Variants in ANO4 observed in about 807,000 individuals in gnomAD.
ANO4 encodes the protein anoctamin-4.
A neutral mutation model predicts 141.9 loss-of-function variants in ANO4; 69 were observed. The observed-to-expected ratio is 0.49, with a 90% CI of 0.40 to 0.59. The LOEUF (loss-of-function observed/expected upper bound fraction) is 0.59. Ranked by LOEUF, ANO4 falls within the 20% of genes least tolerant of loss-of-function variation. ANO4 has a pLI of 0.00. For synonymous variants in ANO4, 350 were observed against 394.3 expected, an observed-to-expected ratio of 0.89 and a Z score of 1.33; for missense variants, 894 against 1,162.2, an observed-to-expected ratio of 0.77 and a Z score of 3.36.
intron 16 of ANO4, among the ~76,000 whole-genome samples, 188 bp from the exon 17 acceptor site, chr12:101,086,472 T>TA (rs529536950): frequency 9.9e-5 from 15 of 151,948 alleles, no homozygotes; most frequent in East Asian, 3.9e-4. Context: ...TTATTTTAAT[T>TA]AAAAAAAATA....
At chr12:100,905,814 G>A (rs1382076189) in intron 2 of ANO4, among the ~76,000 whole-genome samples, 1 of 152,176 alleles carries the variant, frequency 6.6e-6, no homozygotes, top group African/African-American at 2.4e-5. Flanking sequence ...ATCAGTGAGA[G>A]GATGAGAGCT....
At chr12:101,080,883 T>TATATATA (rs1491584060) in intron 15 of ANO4, among the ~76,000 whole-genome samples, 12 of 74,100 alleles carry the variant, frequency 1.6e-4, no homozygotes, top group Middle Eastern at 8.2e-3. Flanking sequence ...TATATATATA[T>TATATATA]TATATATATA....
At chr12:100,732,384 G>A (rs2031414659) in intron 1 of ANO4, among the ~76,000 whole-genome samples, 1 of 140,586 alleles carries the variant, frequency 7.1e-6, no homozygotes, top group Admixed American at 7.2e-5. Context: ...TGATGTGTCT[G>A]TAAAAGTGAT....
chr12:101,125,442 A>C (rs780531344), intron 26 of ANO4, among the ~76,000 whole-genome samples: 6 of 152,112 alleles, frequency 3.9e-5, no homozygotes, highest in Non-Finnish European at 7.4e-5. Flanking sequence ...CTCTCTTCCT[A>C]TTTGAATACC....
Position 100,922,296 on chromosome 12 carries a change from G to A in ANO4, c.126G>A (p.Val42=), listed in dbSNP as rs61734230. The A allele has an allele frequency of 6.5e-7, 1 of 1,531,960 alleles. No individual in the cohort carries two copies. The highest frequency in any genetic ancestry group is 2.0e-5 in the Admixed American group (1 of 49,708). 94.9% of individuals were successfully genotyped at this position (1,531,960 alleles called of 1,614,324 possible). A position where few individuals can be genotyped will look rare whatever the true frequency, so the allele number is the denominator to read the frequency against. Residue 42 remains valine (V), a synonymous_variant, in exon 3 of 28, where the codon GTG becomes GTA. Coordinates refer to ENST00000392977, the MANE Select transcript of ANO4 (RefSeq NM_001286615.2). ...QILPDGPKSD[V]DFSEILNAIQ... ...TACCTGACGGGCCAAAGAGTGATGT[G>A]GACTTTTCAGAGATTCTTAATGCAA...
intron 14 of ANO4, chr12:101,068,321 G>C (rs1593180940): frequency 1.6e-6 from 2 of 1,260,414 alleles, no homozygotes; most frequent in African/African-American, 2.9e-5. Context: ...TGACTTCAAT[G>C]GTCCTTGAGA....
At chr12:100,993,063 C>T (rs750354635) in intron 8 of ANO4, among the ~76,000 whole-genome samples, 4 of 152,104 alleles carry the variant, frequency 2.6e-5, no homozygotes, top group Non-Finnish European at 5.9e-5. Flanking sequence ...GTGGTGCATG[C>T]CTGTAGTCCC....
At chr12:101,020,903 TA>T (rs1271444774) in intron 9 of ANO4, among the ~76,000 whole-genome samples, 1 of 152,172 alleles carries the variant, frequency 6.6e-6, no homozygotes, top group Admixed American at 6.5e-5. Context: ...AATAATGACC[TA>T]TATCAGTCAG....
At chr12:101,033,482 A>T (rs555586925) in intron 9 of ANO4, among the ~76,000 whole-genome samples, 103 of 152,120 alleles carry the variant, frequency 6.8e-4, no homozygotes, top group Admixed American at 9.8e-4. Context: ...ATAATAATAA[A>T]AATTAACTCA....
intron 3 of ANO4, among the ~76,000 whole-genome samples, chr12:100,780,648 G>T (rs2033684287): frequency 6.6e-6 from 1 of 152,106 alleles, no homozygotes; most frequent in Non-Finnish European, 1.5e-5. Flanking sequence ...TTGCCATCCT[G>T]GTTTTGGCCC....
Position 100,926,498 on chromosome 12 carries a change from G to A in ANO4, c.160+4168G>A, listed in dbSNP as rs185890376. Among the ~76,000 whole-genome samples, 533 of 152,216 alleles carry A rather than the reference G, an allele frequency of 3.5e-3. 5 individuals are homozygous for A. The highest frequency in any genetic ancestry group is 0.012 in the African/African-American group (514 of 41,536). ...GTACAAAGTCTAATTCAGGAAAAAT[G>A]AAAACGTTTTCAGATCACGTCTTGT... On this transcript the variant is annotated intron_variant, in intron 3 of 27. Coordinates refer to ENST00000392977, the MANE Select transcript of ANO4 (RefSeq NM_001286615.2).
intron 5 of ANO4, among the ~76,000 whole-genome samples, chr12:100,961,742 G>A (rs2043434743): frequency 6.6e-6 from 1 of 152,128 alleles, no homozygotes; most frequent in Admixed American, 6.6e-5. Context: ...AAAATCTGGT[G>A]TGTACTTTCC....
At position 100,819,400 on chromosome 12, in the gene ANO4, C is replaced by G. The variant is rs76920038; in HGVS notation, c.-141+24373C>G. Among the ~76,000 whole-genome samples the G allele has an allele frequency of 1.1e-4, 17 of 151,998 alleles. No homozygotes were observed. The Middle Eastern group carries it at 0.01, about 91-fold the overall frequency. On this transcript the variant is annotated intron_variant, in intron 1 of 27. Transcript: ENST00000392977. ...TATGTAATGTTGGAGAGTTTAAATA[C>G]TGTAATTCAGTTGAAAACTATATTT...
chr12:100,755,858 T>G (rs1383458260), intron 3 of ANO4, among the ~76,000 whole-genome samples: 1 of 152,168 alleles, frequency 6.6e-6, no homozygotes, highest in Non-Finnish European at 1.5e-5. Flanking sequence ...ACCTTAACAT[T>G]TAACCACTTT....
At chr12:101,107,376 G>A (rs952358777) in intron 22 of ANO4, among the ~76,000 whole-genome samples, 12 of 152,218 alleles carry the variant, frequency 7.9e-5, no homozygotes, top group African/African-American at 2.9e-4. Flanking sequence ...CTGCAAAAGG[G>A]GAAAAAGGCA....
intron 1 of ANO4, among the ~76,000 whole-genome samples, chr12:100,878,387 T>G (rs902241022): frequency 3.3e-5 from 5 of 152,242 alleles, no homozygotes; most frequent in African/African-American, 1.2e-4. Flanking sequence ...GTGTTAATTC[T>G]CTTTGCCTTC....
chr12:100,805,882 C>G (rs2135681011), intron 1 of ANO4, among the ~76,000 whole-genome samples: 1 of 152,128 alleles, frequency 6.6e-6, no homozygotes, highest in African/African-American at 2.4e-5. Context: ...ATTGGAGGAC[C>G]ATGTGGCCAC....
intron 7 of ANO4, among the ~76,000 whole-genome samples, chr12:100,984,363 G>A (rs187693271): frequency 1.3e-3 from 191 of 152,232 alleles, no homozygotes; most frequent in Non-Finnish European, 2.4e-3. Flanking sequence ...GGCAGATCAC[G>A]GGGATTTTAT....
chr12:101,053,907 T>A (rs1408031965), intron 14 of ANO4, among the ~76,000 whole-genome samples: 1 of 152,258 alleles, frequency 6.6e-6, no homozygotes, highest in Admixed American at 6.5e-5. Flanking sequence ...GGAGTTATAA[T>A]CCGGGAAGGG....
Sources: allele counts gnomAD v4.1 joint callset (sites outside exome capture counted in the v4.1 genomes callset), GRCh38; gene constraint gnomAD v4.1.1; transcripts MANE v1.5; gene names NCBI Gene and HGNC (gene_info 2026-07-23, HGNC 2026-07-21).